Variants in THADA observed in about 807,000 individuals in gnomAD.
The protein encoded by THADA is tRNA (32-2'-O)-methyltransferase regulator THADA.
Under a neutral mutation model 219.8 loss-of-function variants are expected in THADA, and 213 were observed. The observed-to-expected ratio is 0.97, with a 90% CI of 0.87 to 1.09. The LOEUF (loss-of-function observed/expected upper bound fraction) is 1.09. Ranked by LOEUF, THADA falls within the 50% of genes least tolerant of loss-of-function variation. THADA has a pLI of 0.00. For synonymous variants in THADA, 1,018 were observed against 828.9 expected, an observed-to-expected ratio of 1.23 and a Z score of -3.92; for missense variants, 2,956 against 2,311.3, an observed-to-expected ratio of 1.28 and a Z score of -5.72.
In THADA at chr2:43,363,935, A is replaced by C. The variant is rs115972057; in HGVS notation, c.4228-19698T>G. 2.8e-3 allele frequency among the ~76,000 whole-genome samples: 433 copies of C among 152,244 alleles called. 2 individuals carry two copies. Among genetic ancestry groups the C allele is most frequent in the Non-Finnish European group, 5.1e-3 (349 of 68,012 alleles). The stretch of plus-strand genomic sequence containing the variant: ...GATCTTCTCTCTATAAAAATAAAAA[A>C]ATTAGGCCAGGCATGGTGGCTCACA... On this transcript the variant is annotated intron_variant, in intron 29 of 37. Transcript: ENST00000405975.
chr2:43,417,234 G>A (rs1376961006), intron 28 of THADA, among the ~76,000 whole-genome samples: 3 of 151,332 alleles, frequency 2.0e-5, no homozygotes, highest in Non-Finnish European at 2.9e-5. Context: ...AACTTAAGAT[G>A]ACATACTAAA....
intron 29 of THADA, among the ~76,000 whole-genome samples, chr2:43,393,168 A>G (rs1673603118): frequency 6.6e-6 from 1 of 152,168 alleles, no homozygotes. Flanking sequence ...GGAGGGTACA[A>G]TATACCTTTC....
intron 24 of THADA, among the ~76,000 whole-genome samples, chr2:43,499,673 G>A (rs532809209): frequency 9.2e-5 from 14 of 151,814 alleles, no homozygotes; most frequent in Non-Finnish European, 1.0e-4. Context: ...CAGCGCACCC[G>A]GCCTAAAAAA....
At chr2:43,444,943 T>C (rs528836920) in intron 26 of THADA, among the ~76,000 whole-genome samples, 258 of 152,314 alleles carry the variant, frequency 1.7e-3, no homozygotes, top group African/African-American at 6.1e-3. Flanking sequence ...ACAGGACTTA[T>C]TCACAGGCCA....
At chr2:43,445,905 C>T (rs535993989) in intron 26 of THADA, among the ~76,000 whole-genome samples, 3 of 152,310 alleles carry the variant, frequency 2.0e-5, no homozygotes, top group African/African-American at 7.2e-5. Flanking sequence ...ATTCCCAAAT[C>T]ACTAAACTGC....
At chr2:43,489,851 T>C (rs1037983741) in intron 25 of THADA, among the ~76,000 whole-genome samples, 17 of 133,874 alleles carry the variant, frequency 1.3e-4, no homozygotes, top group Non-Finnish European at 2.7e-4. Context: ...TCCCTCACAT[T>C]TCCATATGTA....
intron 28 of THADA, among the ~76,000 whole-genome samples, chr2:43,421,411 T>C (rs1473904186): frequency 6.6e-6 from 1 of 152,136 alleles, no homozygotes; most frequent in African/African-American, 2.4e-5. Flanking sequence ...ACAGACCAGG[T>C]AGAGTGCTGG....
intron 22 of THADA, among the ~76,000 whole-genome samples, chr2:43,511,697 C>A (rs1658270385): frequency 6.6e-6 from 1 of 152,132 alleles, no homozygotes; most frequent in African/African-American, 2.4e-5. Context: ...TTATGGTCTC[C>A]ACACATATCC....
intron 26 of THADA, among the ~76,000 whole-genome samples, chr2:43,452,519 C>G (rs757508343): frequency 7.9e-5 from 12 of 152,044 alleles, no homozygotes; most frequent in Middle Eastern, 3.2e-3. Context: ...TACAAGTAAT[C>G]TAACTACTGC....
In THADA at chr2:43,292,107, T is replaced by G. The variant is rs1674800981; in HGVS notation, c.4934A>C (p.Glu1645Ala). Residue 1645 changes from glutamate to alanine, a missense_variant, in exon 33 of 38, where the codon GAA becomes GCA. Glu to Ala is a moderately radical substitution (Grantham distance 107). Transcript: ENST00000405975. ...LIWTMDIASN[E>A]RSEIQSVALR... ...ACAGGAGGTTTTGGGGGCAAACCTT[T>G]CATTGGAAGCAATATCCATCGTCCA... The G allele has an allele frequency of 4.4e-6, 7 of 1,599,974 alleles. No individual in the cohort carries two copies. In the East Asian group the frequency reaches 1.6e-4, roughly 36 times the overall value.
At chr2:43,299,594 G>T (rs559500130) in intron 31 of THADA, among the ~76,000 whole-genome samples, 2 of 152,032 alleles carry the variant, frequency 1.3e-5, no homozygotes, top group South Asian at 4.1e-4. Flanking sequence ...CCCAAGAGGC[G>T]GAGTTTGCAG....
At chr2:43,297,356 TGAG>T (rs1675571067) in intron 31 of THADA, among the ~76,000 whole-genome samples, 2 of 90,424 alleles carry the variant, frequency 2.2e-5, no homozygotes, top group Non-Finnish European at 4.0e-5. Flanking sequence ...CTGCCCCGTC[TGAG>T]AAGTGAGGAG....
intron 20 of THADA, among the ~76,000 whole-genome samples, chr2:43,541,746 G>C (rs990876385): frequency 6.6e-6 from 1 of 151,964 alleles, no homozygotes; most frequent in Non-Finnish European, 1.5e-5. Flanking sequence ...CTCTCGCTTG[G>C]GCCTCCCAAA....
At chr2:43,585,522 A>G (rs1477375389) in intron 7 of THADA, among the ~76,000 whole-genome samples, 1 of 89,600 alleles carries the variant, frequency 1.1e-5, no homozygotes, top group Non-Finnish European at 2.3e-5. Context: ...TGTCACAAAG[A>G]AAAAAAAATG....
intron 26 of THADA, among the ~76,000 whole-genome samples, chr2:43,453,608 G>A (rs1466083079): frequency 2.0e-5 from 3 of 152,176 alleles, no homozygotes; most frequent in Non-Finnish European, 4.4e-5. Context: ...CAAGATGAGA[G>A]TCCTGTTTTT....
In THADA at chr2:43,456,635, T is replaced by C. The variant is rs544074624; in HGVS notation, c.3837-26333A>G. 3.3e-5 allele frequency among the ~76,000 whole-genome samples: 5 copies of C among 152,218 alleles called. No homozygotes were observed. In the South Asian group the frequency reaches 1.0e-3, roughly 32 times the overall value. On this transcript the variant is annotated intron_variant, in intron 26 of 37. Transcript: ENST00000405975. The stretch of plus-strand genomic sequence containing the variant: ...TAAAATGGGAATAATAGTGCCTACT[T>C]AGTGGAATTACTTGAGAAATGAGAT...
At chr2:43,326,899 G>C (rs1679397417) in intron 30 of THADA, among the ~76,000 whole-genome samples, 1 of 152,180 alleles carries the variant, frequency 6.6e-6, no homozygotes, top group African/African-American at 2.4e-5. Flanking sequence ...TGCTGTTTTG[G>C]CTTTAGGTTG....
At chr2:43,539,688 T>A (rs1695054481) in intron 21 of THADA, among the ~76,000 whole-genome samples, 1 of 152,200 alleles carries the variant, frequency 6.6e-6, no homozygotes, top group Non-Finnish European at 1.5e-5. Flanking sequence ...TGACTGGACC[T>A]CATTACAACG....
chr2:43,231,336 T>C lies in THADA; in HGVS notation c.5474A>G (p.Glu1825Gly), dbSNP rs367999040. The C allele has an allele frequency of 1.3e-6, 2 of 1,542,212 alleles. No individual in the cohort carries two copies. The highest frequency in any genetic ancestry group is 1.4e-5 in the African/African-American group (1 of 72,638). Reference protein sequence around the residue: ...ACVESMHQVEEDYLFEKAEVN... With the variant: ...ACVESMHQVEGDYLFEKAEVN... ...TTCTGCTTTTTCAAACAGGTAGTCT[T>C]CTTCCACCTAAATCAGATGAAAAAG... The change falls in exon 38 of 38, where the codon GAA becomes GGA. Residue 1825 changes from glutamate (E) to glycine (G), a missense_variant. Coordinates refer to ENST00000405975, the MANE Select transcript of THADA (RefSeq NM_022065.5).
Sources: allele counts gnomAD v4.1 joint callset (sites outside exome capture counted in the v4.1 genomes callset), GRCh38; gene constraint gnomAD v4.1.1; transcripts MANE v1.5; gene names NCBI Gene and HGNC (gene_info 2026-07-23, HGNC 2026-07-21).